Variants in LHX8 observed in about 807,000 individuals in gnomAD.
The protein encoded by LHX8 is LIM homeobox 8, also known as LIM/homeobox protein Lhx8.
LHX8 carries 12 observed loss-of-function variants against 40.3 expected under a neutral mutation model. The ratio of observed to expected loss-of-function variants is 0.30; its 90% confidence interval spans 0.19 to 0.48. The LOEUF (loss-of-function observed/expected upper bound fraction) is 0.48. Among genes scored for constraint, LHX8 ranks in the 20% least tolerant of loss-of-function variants. LHX8 has a pLI of 0.99. For missense variants in LHX8, 344 were observed against 433.7 expected, an observed-to-expected ratio of 0.79 and a Z score of 1.84; for synonymous variants, 179 against 162.0, an observed-to-expected ratio of 1.10 and a Z score of -0.80.
At chr1:75,149,516 T>G (rs955516295) in intron 7 of LHX8, among the ~76,000 whole-genome samples, 10 of 152,166 alleles carry the variant, frequency 6.6e-5, no homozygotes, top group African/African-American at 2.4e-4. Flanking sequence ...TGTTTTTTGT[T>G]TGTTTGTTTC....
the LHX8 span, among the ~76,000 whole-genome samples, chr1:75,169,048 C>T: frequency 6.6e-6 from 1 of 152,244 alleles, no homozygotes; most frequent in Admixed American, 6.5e-5. Context: ...TGTGGCTTTC[C>T]TTCATATTAA....
At position 75,160,963 on chromosome 1, in the gene LHX8, G is replaced by C. The variant is rs555256876; in HGVS notation, c.*68G>C. On this transcript the variant is annotated 3_prime_UTR_variant, in exon 9 of 9. Transcript: ENST00000356261. ...CATTTATTATGTATAAAATACCATT[G>C]AAAAGATATTACTGTTAATTTTTTA... is the stretch of plus-strand genomic sequence containing the variant. The C allele has an allele frequency of 5.4e-5, 63 of 1,162,726 alleles. No individual in the cohort carries two copies. In the African/African-American group the frequency reaches 6.7e-4, roughly 12 times the overall value. 72.0% of individuals were successfully genotyped at this position (1,162,726 alleles called of 1,614,324 possible). A position where few individuals can be genotyped will look rare whatever the true frequency, so the allele number is the denominator to read the frequency against.
At chr1:75,151,942 T>C (rs1221944798) in intron 7 of LHX8, among the ~76,000 whole-genome samples, 1 of 152,200 alleles carries the variant, frequency 6.6e-6, no homozygotes, top group Non-Finnish European at 1.5e-5. Flanking sequence ...GAGAATATAT[T>C]TTGAATGTTG....
In LHX8 at chr1:75,147,788, A is replaced by G. The variant is rs187909414; in HGVS notation, c.685-799A>G. On this transcript the variant is annotated intron_variant, in intron 6 of 8. Coordinates refer to ENST00000356261, the MANE Select transcript of LHX8 (RefSeq NM_001256114.2). ...TCATAATGATTCTCTTTTCTGAAAG[A>G]ATTCAAAGTTTTTGGCTTGTGCTTA... Among the ~76,000 whole-genome samples the G allele has an allele frequency of 3.0e-4, 46 of 152,330 alleles. No homozygotes were observed. In the East Asian group the frequency reaches 7.5e-3, roughly 25 times the overall value.
chr1:75,164,022 T>G (rs909011155), downstream of LHX8, among the ~76,000 whole-genome samples: 12 of 152,204 alleles, frequency 7.9e-5, no homozygotes, highest in African/African-American at 2.9e-4. Context: ...CCAATACATT[T>G]CTGTTGTTCA....
chr1:75,175,338 G>A, the LHX8 span, among the ~76,000 whole-genome samples: 5 of 152,154 alleles, frequency 3.3e-5, no homozygotes, highest in African/African-American at 1.2e-4. Flanking sequence ...CGGAATTGCT[G>A]GATCAAATGG....
the LHX8 span, among the ~76,000 whole-genome samples, chr1:75,182,064 T>G: frequency 6.6e-6 from 1 of 152,212 alleles, no homozygotes; most frequent in Non-Finnish European, 1.5e-5. Flanking sequence ...TGGTCATGAA[T>G]TCTTTGCCTA....
At chr1:75,181,731 T>G in the LHX8 span, among the ~76,000 whole-genome samples, 5 of 152,214 alleles carry the variant, frequency 3.3e-5, no homozygotes, top group African/African-American at 1.2e-4. Flanking sequence ...CCCAATGAGA[T>G]GAACCAAATA....
chr1:75,186,398 C>T, the LHX8 span, among the ~76,000 whole-genome samples: 1 of 152,116 alleles, frequency 6.6e-6, no homozygotes, highest in South Asian at 2.1e-4. Flanking sequence ...ACACCTACAA[C>T]CATCTGATCT....
At chr1:75,138,594 C>A in intron 3 of LHX8, among the ~76,000 whole-genome samples, 1 of 152,120 alleles carries the variant, frequency 6.6e-6, no homozygotes, top group South Asian at 2.1e-4. Flanking sequence ...GCAAAATCAT[C>A]TTTTGGGTTA....
At chr1:75,196,132 G>A in the LHX8 span, among the ~76,000 whole-genome samples, 13 of 152,066 alleles carry the variant, frequency 8.5e-5, no homozygotes, top group Non-Finnish European at 1.8e-4. Context: ...AATAACGATC[G>A]AGTTGGATTT....
At chr1:75,172,915 C>CT in the LHX8 span, among the ~76,000 whole-genome samples, 13 of 152,152 alleles carry the variant, frequency 8.5e-5, no homozygotes, top group African/African-American at 3.1e-4. Context: ...TACTGAACTG[C>CT]TCCCAAGTCT....
intron 4 of LHX8, among the ~76,000 whole-genome samples, chr1:75,141,460 A>G (rs879173810): frequency 2.6e-5 from 4 of 152,146 alleles, no homozygotes; most frequent in Non-Finnish European, 5.9e-5. Flanking sequence ...GGTTAGATGA[A>G]ATAAAATCAT....
chr1:75,155,533 C>A (rs893828801), intron 7 of LHX8, among the ~76,000 whole-genome samples: 4 of 151,934 alleles, frequency 2.6e-5, no homozygotes, highest in African/African-American at 4.8e-5. Context: ...TGCGCCCGGC[C>A]CATGAAGAAA....
chr1:75,192,617 G>A, the LHX8 span, among the ~76,000 whole-genome samples: 1 of 151,992 alleles, frequency 6.6e-6, no homozygotes, highest in Non-Finnish European at 1.5e-5. Flanking sequence ...ATATTTTGTT[G>A]TTCTTTCATA....
the LHX8 span, among the ~76,000 whole-genome samples, chr1:75,175,018 G>A: frequency 1.9e-4 from 29 of 152,048 alleles, no homozygotes; most frequent in African/African-American, 5.1e-4. Flanking sequence ...ACGCTTTTGC[G>A]TCCTCATAGC....
At chr1:75,191,195 C>T in the LHX8 span, among the ~76,000 whole-genome samples, 2 of 151,988 alleles carry the variant, frequency 1.3e-5, no homozygotes, top group Non-Finnish European at 2.9e-5. Flanking sequence ...AAATTAAAAT[C>T]GATCACCCAC....
At chr1:75,199,146 T>C in the LHX8 span, among the ~76,000 whole-genome samples, 1 of 152,216 alleles carries the variant, frequency 6.6e-6, no homozygotes, top group Non-Finnish European at 1.5e-5. Flanking sequence ...TGATTTGCTA[T>C]TGAGTTTCTT....
intron 6 of LHX8, among the ~76,000 whole-genome samples, chr1:75,147,652 G>A (rs1648497613): frequency 6.6e-6 from 1 of 152,112 alleles, no homozygotes; most frequent in African/African-American, 2.4e-5. Flanking sequence ...ATCACATTGG[G>A]TGCCAAGCTC....
Sources: allele counts gnomAD v4.1 joint callset (sites outside exome capture counted in the v4.1 genomes callset), GRCh38; gene constraint gnomAD v4.1.1; transcripts MANE v1.5; gene names NCBI Gene and HGNC (gene_info 2026-07-23, HGNC 2026-07-21).